Variants in ATP6V0A4 observed in about 807,000 individuals in gnomAD.
ATP6V0A4 encodes V-type proton ATPase 116 kDa subunit a 4.
In ATP6V0A4, 86 loss-of-function variants were observed where a neutral mutation model predicts 107.3. The observed-to-expected ratio is 0.80, with a 90% CI of 0.67 to 0.96. The LOEUF (loss-of-function observed/expected upper bound fraction) is 0.96, where lower values mean the gene tolerates loss of function less well. Among genes scored for constraint, ATP6V0A4 ranks in the 40% least tolerant of loss-of-function variants. The pLI, the probability that ATP6V0A4 is intolerant of heterozygous loss-of-function variation, is 0.00. For missense variants in ATP6V0A4, 908 were observed against 1,045.6 expected, an observed-to-expected ratio of 0.87 and a Z score of 1.81; for synonymous variants, 353 against 381.4, an observed-to-expected ratio of 0.93 and a Z score of 0.87.
intron 5 of ATP6V0A4, among the ~76,000 whole-genome samples, chr7:138,764,419 C>T (rs1361882837): frequency 6.6e-6 from 1 of 151,944 alleles, no homozygotes; most frequent in East Asian, 1.9e-4. Flanking sequence ...CACACTGAAA[C>T]AGACAGGAGT....
At chr7:138,709,992 G>T (rs1401503713) in intron 20 of ATP6V0A4, 197 bp from the exon 21 acceptor site, 1 of 208,374 alleles carries the variant, frequency 4.8e-6, no homozygotes, top group Non-Finnish European at 8.3e-6. Flanking sequence ...GGGAAATCAG[G>T]CGTGAGCCAC....
At chr7:138,786,411 G>A (rs1478716254) in intron 1 of ATP6V0A4, among the ~76,000 whole-genome samples, 151 bp from the exon 2 acceptor site, 1 of 151,622 alleles carries the variant, frequency 6.6e-6, no homozygotes, top group African/African-American at 2.4e-5. Flanking sequence ...GCAAGCCTCT[G>A]TCTCTACACA....
chr7:138,739,870 C>T (rs1303196138), intron 14 of ATP6V0A4, among the ~76,000 whole-genome samples: 1 of 152,142 alleles, frequency 6.6e-6, no homozygotes, highest in Non-Finnish European at 1.5e-5. Flanking sequence ...GGGCCGGGAG[C>T]AGTGGCTTAC....
chr7:138,715,225 G>A (rs570779201), intron 20 of ATP6V0A4, among the ~76,000 whole-genome samples: 10 of 152,252 alleles, frequency 6.6e-5, no homozygotes, highest in East Asian at 1.9e-4. Context: ...TGTTTGAGAC[G>A]GAGTCTCACT....
chr7:138,726,151 G>A (rs1019278266), intron 18 of ATP6V0A4, among the ~76,000 whole-genome samples: 5 of 151,968 alleles, frequency 3.3e-5, no homozygotes, highest in Non-Finnish European at 4.4e-5. Context: ...CACCACGCCC[G>A]GCTAATTTTT....
intron 17 of ATP6V0A4, among the ~76,000 whole-genome samples, chr7:138,730,323 G>A (rs77120657): frequency 0.014 from 2,015 of 148,376 alleles, 53 homozygotes; most frequent in African/African-American, 0.048. Flanking sequence ...CCCCGATGAC[G>A]TACAAAGCAA....
At chr7:138,747,720 G>T in intron 12 of ATP6V0A4, 156 bp from the exon 13 acceptor site, 1 of 1,236,038 alleles carries the variant, frequency 8.1e-7, no homozygotes, top group Non-Finnish European at 1.1e-6. Context: ...ATGCTTAGCT[G>T]CCACATAAAT....
chr7:138,732,205 AAAAG>A (rs1036971522), intron 17 of ATP6V0A4, among the ~76,000 whole-genome samples: 2 of 152,180 alleles, frequency 1.3e-5, no homozygotes, highest in African/African-American at 4.8e-5. Context: ...CTCTTTGAAT[AAAAG>A]ATTATTAAGT....
chr7:138,747,731 G>C (rs1806027096), intron 12 of ATP6V0A4, 167 bp from the exon 13 acceptor site: 2 of 1,101,614 alleles, frequency 1.8e-6, no homozygotes, highest in African/African-American at 1.6e-5. Context: ...CCACATAAAT[G>C]AGTGCATCTG....
intron 8 of ATP6V0A4, among the ~76,000 whole-genome samples, chr7:138,757,088 G>C (rs1479523386): frequency 1.3e-5 from 2 of 152,160 alleles, no homozygotes; most frequent in African/African-American, 4.8e-5. Flanking sequence ...GTCCAAGTTG[G>C]ACAATTCACA....
intron 21 of ATP6V0A4, among the ~76,000 whole-genome samples, chr7:138,708,825 G>A (rs546556934): frequency 7.1e-4 from 108 of 152,316 alleles, no homozygotes; most frequent in African/African-American, 2.6e-3. Flanking sequence ...TGTAATCCCA[G>A]CACTTTGGGA....
At chr7:138,715,019 C>T (rs1354066979) in intron 20 of ATP6V0A4, among the ~76,000 whole-genome samples, 4 of 152,092 alleles carry the variant, frequency 2.6e-5, no homozygotes, top group Non-Finnish European at 4.4e-5. Flanking sequence ...ATGCTGGAAG[C>T]AGAGGTTGAA....
chr7:138,760,983 T>A (rs1037330), intron 7 of ATP6V0A4, among the ~76,000 whole-genome samples: 111,034 of 151,004 alleles, frequency 0.74, 41,197 homozygotes, highest in African/African-American at 0.86. Context: ...TTTATTAAAA[T>A]TTTTTTTTTT....
chr7:138,750,123 G>A (rs1330207935), intron 11 of ATP6V0A4, among the ~76,000 whole-genome samples: 2 of 152,138 alleles, frequency 1.3e-5, no homozygotes, highest in African/African-American at 2.4e-5. Flanking sequence ...AAACTCTTTA[G>A]TCTTGTGATC....
At chr7:138,770,099 T>C (rs987117013) in intron 3 of ATP6V0A4, among the ~76,000 whole-genome samples, 2 of 151,892 alleles carry the variant, frequency 1.3e-5, no homozygotes, top group African/African-American at 4.8e-5. Context: ...TTAAAACTTT[T>C]GTGCATCAAA....
rs1305258935 is a variant in ATP6V0A4 at position 138,768,893 on chromosome 7, C to G, written c.197-19G>C. On this transcript the variant is annotated intron_variant, in intron 4 of 21. Coordinates refer to ENST00000310018, the MANE Select transcript of ATP6V0A4 (RefSeq NM_020632.3). ...AGAAAACCTGAAGAATGAAAACCCA[C>G]CAGAAACCCCAAGGTGATTGTGTTT... 1 of 1,613,660 alleles carries G rather than the reference C, an allele frequency of 6.2e-7. No individual in the cohort carries two copies. The highest frequency in any genetic ancestry group is 8.5e-7 in the Non-Finnish European group (1 of 1,179,872).
In ATP6V0A4 at chr7:138,706,592, T is replaced by G; in HGVS notation, c.*32A>C. The G allele has an allele frequency of 6.2e-7, 1 of 1,612,762 alleles. No homozygotes were observed. ...CAAGACTGAACTTCCTTCATTGGCA[T>G]GGTGACCACCGTGGGAGGTGCAGCC... is the stretch of plus-strand genomic sequence containing the variant. On this transcript the variant is annotated 3_prime_UTR_variant, in exon 22 of 22. Transcript: ENST00000310018.
chr7:138,783,927 A>G (rs1411871071), intron 2 of ATP6V0A4, among the ~76,000 whole-genome samples: 4 of 151,978 alleles, frequency 2.6e-5, no homozygotes, highest in Non-Finnish European at 5.9e-5. Flanking sequence ...ACACAGTCCA[A>G]TTTGTCCAAA....
At chr7:138,731,493 A>G (rs1805012068) in intron 17 of ATP6V0A4, among the ~76,000 whole-genome samples, 1 of 152,170 alleles carries the variant, frequency 6.6e-6, no homozygotes, top group African/African-American at 2.4e-5. Flanking sequence ...CAGGTTAATC[A>G]CTGGGAGAGG....
Sources: allele counts gnomAD v4.1 joint callset (sites outside exome capture counted in the v4.1 genomes callset), GRCh38; gene constraint gnomAD v4.1.1; transcripts MANE v1.5; gene names NCBI Gene and HGNC (gene_info 2026-07-23, HGNC 2026-07-21).